The following MSRA variants were observed in gnomAD, a reference collection of about 807,000 sequenced individuals.
MSRA encodes the protein methionine sulfoxide reductase A.
In MSRA, 54 loss-of-function variants were observed where a neutral mutation model predicts 31.3. The ratio of observed to expected loss-of-function variants is 1.73; its 90% confidence interval spans 1.39 to 2.17. MSRA has a LOEUF of 2.17. MSRA is among the 30% of genes most tolerant of loss of function. MSRA has a pLI of 0.00. For synonymous variants in MSRA, 169 were observed against 116.5 expected, an observed-to-expected ratio of 1.45 and a Z score of -2.90; for missense variants, 507 against 300.9, an observed-to-expected ratio of 1.69 and a Z score of -5.07.
chr8:10,415,570 C>A (rs1369690662), intron 5 of MSRA, among the ~76,000 whole-genome samples: 1 of 152,116 alleles, frequency 6.6e-6, no homozygotes, highest in East Asian at 1.9e-4. Flanking sequence ...CTTGATGCCT[C>A]CAGCAGCCTC....
intron 4 of MSRA, among the ~76,000 whole-genome samples, chr8:10,309,336 G>T (rs542857007): frequency 6.6e-6 from 1 of 152,388 alleles, no homozygotes; most frequent in Non-Finnish European, 1.5e-5. Context: ...CGTGCAGAGC[G>T]TGGCGCCTGG....
At chr8:10,324,071 C>G (rs1167865383) in intron 5 of MSRA, among the ~76,000 whole-genome samples, 1 of 152,166 alleles carries the variant, frequency 6.6e-6, no homozygotes, top group East Asian at 1.9e-4. Flanking sequence ...CAGACTAGAC[C>G]AGTGCTTCCT....
intron 5 of MSRA, among the ~76,000 whole-genome samples, chr8:10,399,321 C>T (rs779852906): frequency 3.9e-5 from 6 of 152,086 alleles, no homozygotes; most frequent in Non-Finnish European, 8.8e-5. Context: ...ATGTTTGTCT[C>T]CTCCAAAACT....
chr8:10,197,895 C>G (rs746147427), intron 1 of MSRA, among the ~76,000 whole-genome samples: 44 of 152,132 alleles, frequency 2.9e-4, no homozygotes, highest in Non-Finnish European at 5.3e-4. Flanking sequence ...TTCAAGGTGC[C>G]CACAACCCTG....
intron 1 of MSRA, among the ~76,000 whole-genome samples, chr8:10,207,469 C>G (rs1809097424): frequency 6.6e-6 from 1 of 152,218 alleles, no homozygotes; most frequent in African/African-American, 2.4e-5. Context: ...GGGACTCACC[C>G]CCAGTTCAGC....
intron 1 of MSRA, among the ~76,000 whole-genome samples, chr8:10,083,657 A>G (rs1455406585): frequency 1.3e-5 from 2 of 152,318 alleles, no homozygotes; most frequent in African/African-American, 2.4e-5. Flanking sequence ...CTTTTAAACT[A>G]TGCAGAGGAA....
At chr8:10,170,797 A>C (rs1329164375) in intron 1 of MSRA, among the ~76,000 whole-genome samples, 1 of 152,234 alleles carries the variant, frequency 6.6e-6, no homozygotes, top group Non-Finnish European at 1.5e-5. Context: ...ACTGTTGTTT[A>C]TGAGCCATCC....
At chr8:10,402,571 A>G (rs1412963960) in intron 5 of MSRA, among the ~76,000 whole-genome samples, 1 of 152,160 alleles carries the variant, frequency 6.6e-6, no homozygotes, top group Admixed American at 6.5e-5. Context: ...GAGCCCAGGC[A>G]CTCTATAGCA....
At position 10,276,607 on chromosome 8, in the gene MSRA, G is replaced by A. The variant is rs371087033; in HGVS notation, c.332-24927G>A. ...GCTTGCTTTAATTTGTAGCCATCTC[G>A]TCCTTTATTAATAACATCTCATCAT... On this transcript the variant is annotated intron_variant, in intron 3 of 5. Coordinates refer to ENST00000317173, the MANE Select transcript of MSRA (RefSeq NM_012331.5). Among the ~76,000 whole-genome samples the A allele has an allele frequency of 6.4e-4, 98 of 152,276 alleles. 2 individuals carry two copies. In the South Asian group the frequency reaches 8.3e-3, roughly 13 times the overall value.
At chr8:10,115,460 G>A (rs1293170510) in intron 1 of MSRA, among the ~76,000 whole-genome samples, 1 of 152,152 alleles carries the variant, frequency 6.6e-6, no homozygotes, top group Non-Finnish European at 1.5e-5. Context: ...AGGGAGCAGG[G>A]CCCCTCCAGC....
intron 2 of MSRA, among the ~76,000 whole-genome samples, chr8:10,237,914 G>T (rs1339075503): frequency 6.6e-6 from 1 of 152,062 alleles, no homozygotes; most frequent in Non-Finnish European, 1.5e-5. Context: ...TCTGTGCTTG[G>T]TTCACTCTAG....
At chr8:10,380,403 C>T (rs947347032) in intron 5 of MSRA, among the ~76,000 whole-genome samples, 4 of 152,092 alleles carry the variant, frequency 2.6e-5, no homozygotes, top group East Asian at 1.9e-4. Context: ...GGAGCCATGG[C>T]GCTGAAGGCT....
intron 5 of MSRA, among the ~76,000 whole-genome samples, chr8:10,357,809 G>A (rs1238335418): frequency 1.3e-5 from 2 of 152,242 alleles, no homozygotes; most frequent in Admixed American, 1.3e-4. Context: ...AGGGAGGGGT[G>A]TTATCAAATA....
At chr8:10,120,465 C>T (rs1409700965) in intron 1 of MSRA, among the ~76,000 whole-genome samples, 1 of 152,184 alleles carries the variant, frequency 6.6e-6, no homozygotes, top group Non-Finnish European at 1.5e-5. Context: ...ATTTAAGGAC[C>T]AGCTCTCTGT....
intron 2 of MSRA, among the ~76,000 whole-genome samples, chr8:10,229,918 G>T (rs1811323005): frequency 6.6e-6 from 1 of 152,180 alleles, no homozygotes; most frequent in Non-Finnish European, 1.5e-5. Context: ...TATAATCAGT[G>T]AATTTCCACT....
At chr8:10,103,358 T>C (rs1799660297) in intron 1 of MSRA, among the ~76,000 whole-genome samples, 1 of 152,218 alleles carries the variant, frequency 6.6e-6, no homozygotes, top group African/African-American at 2.4e-5. Flanking sequence ...CATGTAACTT[T>C]GGAATAATAT....
intron 1 of MSRA, among the ~76,000 whole-genome samples, chr8:10,170,785 A>G (rs1255889237): frequency 6.6e-6 from 1 of 152,174 alleles, no homozygotes; most frequent in Non-Finnish European, 1.5e-5. Context: ...AGGGACAACT[A>G]TACTGTTGTT....
intron 1 of MSRA, among the ~76,000 whole-genome samples, chr8:10,063,064 T>G (rs1797288352): frequency 6.6e-6 from 1 of 152,202 alleles, no homozygotes; most frequent in Non-Finnish European, 1.5e-5. Flanking sequence ...AAATACGAGA[T>G]GCTGTAAGCC....
At chr8:10,328,231 C>T (rs998745239) in intron 5 of MSRA, among the ~76,000 whole-genome samples, 15 of 137,034 alleles carry the variant, frequency 1.1e-4, no homozygotes, top group Non-Finnish European at 2.2e-4. Flanking sequence ...CCCATGGCTT[C>T]CTCCTCCCTC....
Sources: allele counts gnomAD v4.1 joint callset (sites outside exome capture counted in the v4.1 genomes callset), GRCh38; gene constraint gnomAD v4.1.1; transcripts MANE v1.5; gene names NCBI Gene and HGNC (gene_info 2026-07-23, HGNC 2026-07-21).